CIBAR1: variants seen among roughly 807,000 people sequenced by gnomAD.
CIBAR1 encodes the protein CBY1 interacting BAR domain containing 1.
Under a neutral mutation model 44.0 loss-of-function variants are expected in CIBAR1, and 25 were observed. The ratio of observed to expected loss-of-function variants is 0.57; its 90% CI spans 0.41 to 0.79. The LOEUF is 0.79. CIBAR1 is among the 30% of genes least tolerant of loss of function. The probability of loss-of-function intolerance (pLI) is 0.00; values close to 1 mark genes in which losing one functional copy is unlikely to be tolerated. For synonymous variants in CIBAR1, 115 were observed against 119.0 expected, an observed-to-expected ratio of 0.97 and a Z score of 0.22; for missense variants, 278 against 344.8, an observed-to-expected ratio of 0.81 and a Z score of 1.53.
chr8:93,700,698 A>G, intron 1 of CIBAR1, 25 bp downstream of exon 1: 4 of 1,495,560 alleles, frequency 2.7e-6, no homozygotes, highest in Non-Finnish European at 3.6e-6. Flanking sequence ...CCAGCTGCCC[A>G]GGGCCGCCCA....
chr8:93,724,513 T>C (rs761622163), intron 7 of CIBAR1: 10 of 766,022 alleles, frequency 1.3e-5, no homozygotes, highest in Non-Finnish European at 2.0e-5. Flanking sequence ...TTTGTAGAGA[T>C]GGAGTTTCGC....
chr8:93,720,473 T>C (rs1413769063), intron 7 of CIBAR1, among the ~76,000 whole-genome samples: 1 of 152,230 alleles, frequency 6.6e-6, no homozygotes, highest in Admixed American at 6.5e-5. Flanking sequence ...TATATACATA[T>C]TTATATTTCT....
chr8:93,704,189 T>C (rs1462328296), intron 3 of CIBAR1, among the ~76,000 whole-genome samples: 1 of 152,152 alleles, frequency 6.6e-6, no homozygotes, highest in African/African-American at 2.4e-5. Context: ...TGTAGCAATA[T>C]AGACATTATT....
chr8:93,726,668 G>C, intron 8 of CIBAR1, 155 bp downstream of exon 8: 2 of 792,266 alleles, frequency 2.5e-6, no homozygotes, highest in Non-Finnish European at 4.0e-6. Flanking sequence ...ATTGCATTAA[G>C]TGCAGCTCTA....
At position 93,731,153 on chromosome 8, in the gene CIBAR1, C is replaced by CTT. The variant is rs1267513392; in HGVS notation, c.*2857_*2858insTT. On this transcript the variant is annotated 3_prime_UTR_variant, in exon 9 of 9. Transcript: ENST00000518322. ...CCAGCCTGGCCAGCAGAACAAGACTCTGACTCTTAAAATAATAAAACTACA... is the reference window on the plus strand; with the variant it reads ...CCAGCCTGGCCAGCAGAACAAGACTCTTTGACTCTTAAAATAATAAAACTACA... 1.3e-5 allele frequency: 2 copies of CTT among 152,186 alleles called. No individual in the cohort carries two copies. Among genetic ancestry groups the CTT allele is most frequent in the African/African-American group, 4.8e-5 (2 of 41,444 alleles). The allele number at this position is 152,186 out of a possible 1,614,324, so 9.4% of individuals were successfully genotyped here. A position where few individuals can be genotyped will look rare whatever the true frequency, so the allele number is the denominator to read the frequency against.
At chr8:93,709,274 C>CT (rs1051276081) in intron 5 of CIBAR1, among the ~76,000 whole-genome samples, 18 of 151,844 alleles carry the variant, frequency 1.2e-4, no homozygotes, top group African/African-American at 3.4e-4. Flanking sequence ...GAGCAAAACT[C>CT]TATCTCAAAA....
intron 7 of CIBAR1, among the ~76,000 whole-genome samples, chr8:93,721,475 T>C (rs1371392551): frequency 2.6e-5 from 4 of 152,164 alleles, no homozygotes; most frequent in Non-Finnish European, 5.9e-5. Flanking sequence ...CTAAGTAGTT[T>C]GTGGGAGAAG....
In CIBAR1 at chr8:93,714,638, A is replaced by G. The variant is rs142877312; in HGVS notation, c.544-4037A>G. Among the ~76,000 whole-genome samples the G allele has an allele frequency of 9.0e-3, 1,373 of 151,994 alleles. 19 individuals carry two copies. The highest frequency in any genetic ancestry group is 0.031 in the African/African-American group (1,293 of 41,458). ...AAGATCAGTCAATAAGGGTTACATTATAGCCCCCTTACTTTTTTTTTTTTT... is the reference window on the plus strand; with the variant it reads ...AAGATCAGTCAATAAGGGTTACATTGTAGCCCCCTTACTTTTTTTTTTTTT... On this transcript the variant is annotated intron_variant, in intron 6 of 8. Coordinates refer to ENST00000518322, the MANE Select transcript of CIBAR1 (RefSeq NM_145269.5).
At chr8:93,719,994 C>T (rs1299462904) in intron 7 of CIBAR1, 6 of 150,418 alleles carry the variant, frequency 4.0e-5, no homozygotes, top group Non-Finnish European at 7.4e-5. Flanking sequence ...TATCTTCCCC[C>T]GCCTTCCAAG....
intron 7 of CIBAR1, among the ~76,000 whole-genome samples, chr8:93,719,289 A>G (rs1245106749): frequency 6.6e-6 from 1 of 152,244 alleles, no homozygotes; most frequent in East Asian, 1.9e-4. Context: ...TCCAAGAGTT[A>G]ATTTATTAAT....
At position 93,731,246 on chromosome 8, in the gene CIBAR1, G is replaced by C. The variant is rs1380866783; in HGVS notation, c.*2949G>C. 1 of 152,190 alleles carries C rather than the reference G, an allele frequency of 6.6e-6. No individual in the cohort carries two copies. The highest frequency in any genetic ancestry group is 2.4e-5 in the African/African-American group (1 of 41,462). The allele number at this position is 152,190 out of a possible 1,614,324, so 9.4% of individuals were successfully genotyped here. A position where few individuals can be genotyped will look rare whatever the true frequency, so the allele number is the denominator to read the frequency against. On this transcript the variant is annotated 3_prime_UTR_variant, in exon 9 of 9. Transcript: ENST00000518322. ...ATCCCACCTCAGCCCAGTTTGAAAT[G>C]CAATTCCACAGTAAGTAATCCCTCA...
At chr8:93,726,612 T>TA (rs1183356257) in intron 8 of CIBAR1, 99 bp downstream of exon 8, 2 of 1,388,306 alleles carry the variant, frequency 1.4e-6, no homozygotes, top group East Asian at 5.0e-5. Flanking sequence ...CTCGGTAACT[T>TA]ATCCTCCCCT....
intron 6 of CIBAR1, among the ~76,000 whole-genome samples, chr8:93,711,859 G>A (rs898842178): frequency 2.0e-5 from 3 of 152,122 alleles, no homozygotes; most frequent in Non-Finnish European, 2.9e-5. Flanking sequence ...GCATTACACA[G>A]TACCAAACCC....
intron 7 of CIBAR1, chr8:93,726,193 T>C: frequency 2.1e-6 from 1 of 477,198 alleles, no homozygotes; most frequent in Non-Finnish European, 3.8e-6. Flanking sequence ...GTCATCATCT[T>C]ACATAGTTCA....
intron 7 of CIBAR1, among the ~76,000 whole-genome samples, chr8:93,723,611 A>C (rs1183991634): frequency 3.9e-5 from 6 of 152,022 alleles, no homozygotes; most frequent in Admixed American, 3.3e-4. Flanking sequence ...GCAAAAATGA[A>C]TTTAATTAAC....
intron 4 of CIBAR1, among the ~76,000 whole-genome samples, chr8:93,707,551 G>T (rs1447819688): frequency 1.3e-5 from 2 of 152,338 alleles, no homozygotes; most frequent in East Asian, 3.9e-4. Flanking sequence ...GAATTAGTCT[G>T]CTTGAATATT....
At chr8:93,718,412 C>T (rs951409060) in intron 6 of CIBAR1, among the ~76,000 whole-genome samples, 1 of 152,008 alleles carries the variant, frequency 6.6e-6, no homozygotes, top group African/African-American at 2.4e-5. Context: ...ATGTCAATTA[C>T]TAGGTATAAA....
At chr8:93,704,099 A>G (rs1810480906) in intron 3 of CIBAR1, among the ~76,000 whole-genome samples, 1 of 151,972 alleles carries the variant, frequency 6.6e-6, no homozygotes, top group African/African-American at 2.4e-5. Context: ...AAAGTAGTAT[A>G]TAGTCATTCT....
intron 6 of CIBAR1, among the ~76,000 whole-genome samples, chr8:93,711,523 C>T (rs1379251866): frequency 6.6e-6 from 1 of 152,088 alleles, no homozygotes; most frequent in African/African-American, 2.4e-5. Flanking sequence ...GAGGCTGTCC[C>T]GAGACAAATT....
Sources: gnomAD v4.1 joint callset for allele counts (sites outside exome capture counted in the v4.1 genomes callset) on GRCh38, gnomAD v4.1.1 for gene constraint, MANE v1.5 for transcripts, NCBI Gene and HGNC (gene_info 2026-07-23, HGNC 2026-07-21) for gene names.